The following MACROD2 variants were observed in gnomAD, a reference collection of about 807,000 sequenced individuals.
MACROD2 encodes ADP-ribose glycohydrolase MACROD2.
In MACROD2, 36 loss-of-function variants were observed where a neutral mutation model predicts 70.4. The observed-to-expected ratio is 0.51, with a 90% CI of 0.39 to 0.68. The LOEUF (loss-of-function observed/expected upper bound fraction) is 0.68. Among genes scored for constraint, MACROD2 ranks in the 30% least tolerant of loss-of-function variants. The probability of loss-of-function intolerance (pLI) is 0.00; values close to 1 mark genes in which losing one functional copy is unlikely to be tolerated. For synonymous variants in MACROD2, 172 were observed against 178.8 expected, an observed-to-expected ratio of 0.96 and a Z score of 0.30; for missense variants, 496 against 538.4, an observed-to-expected ratio of 0.92 and a Z score of 0.78.
intron 4 of MACROD2, among the ~76,000 whole-genome samples, chr20:14,528,074 G>A (rs1297750172): frequency 1.3e-5 from 2 of 150,326 alleles, no homozygotes; most frequent in African/African-American, 4.9e-5. Flanking sequence ...CTCAATATAA[G>A]ATAAAATCTG....
intron 5 of MACROD2, among the ~76,000 whole-genome samples, chr20:14,971,335 TATGAAATCCATGGA>T (rs1402106432): frequency 6.6e-6 from 1 of 151,848 alleles, no homozygotes; most frequent in Non-Finnish European, 1.5e-5. Context: ...AATCCATGGA[TATGAAATCCATGGA>T]TATGGAGGGC....
intron 5 of MACROD2, among the ~76,000 whole-genome samples, chr20:14,715,237 A>G (rs1457637994): frequency 1.3e-5 from 2 of 152,110 alleles, no homozygotes; most frequent in African/African-American, 4.8e-5. Context: ...AGGACTTACT[A>G]TCACAATAAT....
intron 4 of MACROD2, among the ~76,000 whole-genome samples, chr20:14,608,875 G>C (rs976266409): frequency 4.0e-5 from 6 of 151,888 alleles, no homozygotes; most frequent in African/African-American, 1.4e-4. Flanking sequence ...AGCTGAGAAA[G>C]AGACAGATCT....
intron 5 of MACROD2, among the ~76,000 whole-genome samples, chr20:14,955,023 A>ATATGTT (rs2074517819): frequency 4.5e-3 from 1 of 220 alleles, no homozygotes; most frequent in African/African-American, 0.018. Flanking sequence ...ATTATATATT[A>ATATGTT]TATATTTATA....
intron 8 of MACROD2, among the ~76,000 whole-genome samples, chr20:15,758,849 G>A (rs569009212): frequency 2.6e-5 from 4 of 151,422 alleles, no homozygotes; most frequent in East Asian, 2.0e-4. Context: ...GGCCTAATTC[G>A]GTTTATTAAA....
intron 9 of MACROD2, among the ~76,000 whole-genome samples, chr20:15,876,886 G>A (rs1016296299): frequency 1.8e-4 from 28 of 151,998 alleles, no homozygotes; most frequent in Admixed American, 3.3e-4. Flanking sequence ...ATTTTTTCAT[G>A]TGTCTGTTGG....
chr20:14,680,828 A>G (rs1160653386), intron 4 of MACROD2, among the ~76,000 whole-genome samples: 1 of 152,176 alleles, frequency 6.6e-6, no homozygotes, highest in African/African-American at 2.4e-5. Context: ...GAGATGGGAA[A>G]TTTCAGGAGT....
chr20:14,807,674 G>A (rs994049411), intron 5 of MACROD2, among the ~76,000 whole-genome samples: 1 of 152,066 alleles, frequency 6.6e-6, no homozygotes, highest in Non-Finnish European at 1.5e-5. Flanking sequence ...TAACCCAATG[G>A]AAGGAAGCTA....
chr20:15,322,685 G>A (rs1323214927), intron 6 of MACROD2, among the ~76,000 whole-genome samples: 1 of 144,356 alleles, frequency 6.9e-6, no homozygotes, highest in Non-Finnish European at 1.6e-5. Context: ...ATACATATTT[G>A]TAGAGAGTAT....
chr20:15,934,194 C>T (rs1296807971), intron 11 of MACROD2, among the ~76,000 whole-genome samples: 1 of 152,168 alleles, frequency 6.6e-6, no homozygotes, highest in African/African-American at 2.4e-5. Flanking sequence ...AAGTAGTGAG[C>T]CCTACTGTTT....
At chr20:14,368,663 ATTTG>A (rs2083295796) in intron 3 of MACROD2, among the ~76,000 whole-genome samples, 1 of 152,060 alleles carries the variant, frequency 6.6e-6, no homozygotes, top group Non-Finnish European at 1.5e-5. Flanking sequence ...GCATGTAGCT[ATTTG>A]TTTAATGACT....
chr20:15,299,308 G>T (rs984612818), intron 6 of MACROD2, among the ~76,000 whole-genome samples: 3 of 152,040 alleles, frequency 2.0e-5, no homozygotes, highest in Admixed American at 1.3e-4. Flanking sequence ...AAACGGTCAG[G>T]GTCATTTAAA....
intron 15 of MACROD2, among the ~76,000 whole-genome samples, chr20:16,012,756 T>C (rs1388448668): frequency 1.3e-5 from 2 of 152,230 alleles, no homozygotes; most frequent in Non-Finnish European, 2.9e-5. Context: ...AATGTTACCA[T>C]TCCTGACCAT....
chr20:15,675,936 C>A (rs73242444), intron 8 of MACROD2, among the ~76,000 whole-genome samples: 267 of 152,206 alleles, frequency 1.8e-3, no homozygotes, highest in African/African-American at 6.0e-3. Context: ...TTTTGAGAAA[C>A]CTGTGTATCC....
chr20:14,878,678 A>G (rs1322307621), intron 5 of MACROD2, among the ~76,000 whole-genome samples: 1 of 152,106 alleles, frequency 6.6e-6, no homozygotes, highest in East Asian at 1.9e-4. Flanking sequence ...TTATTGGATG[A>G]ATTCTTTTAT....
At chr20:15,821,170 A>G (rs1352059159) in intron 8 of MACROD2, among the ~76,000 whole-genome samples, 1 of 152,160 alleles carries the variant, frequency 6.6e-6, no homozygotes, top group Non-Finnish European at 1.5e-5. Flanking sequence ...CTTCGTGTAT[A>G]TATTTCCTTA....
chr20:15,070,320 A>G (rs182647648), intron 5 of MACROD2, among the ~76,000 whole-genome samples: 4 of 152,152 alleles, frequency 2.6e-5, no homozygotes, highest in African/African-American at 7.2e-5. Context: ...TGGGTTTCAG[A>G]TGAGGGTTTG....
intron 4 of MACROD2, chr20:14,622,969 C>G (rs557253328): frequency 3.9e-5 from 6 of 152,218 alleles, no homozygotes; most frequent in Non-Finnish European, 7.3e-5. Context: ...CGGCTAAGTC[C>G]CTCTACTGGA....
chr20:15,371,917 A>G (rs2045499527), intron 6 of MACROD2, among the ~76,000 whole-genome samples: 1 of 152,160 alleles, frequency 6.6e-6, no homozygotes, highest in Non-Finnish European at 1.5e-5. Flanking sequence ...CTTTCACTAC[A>G]TATGTAGATC....
Sources: allele counts gnomAD v4.1 joint callset (sites outside exome capture counted in the v4.1 genomes callset), GRCh38; gene constraint gnomAD v4.1.1; transcripts MANE v1.5; gene names NCBI Gene and HGNC (gene_info 2026-07-23, HGNC 2026-07-21).